Variants in SUCLG2 observed in about 807,000 individuals in gnomAD.
SUCLG2 encodes the protein succinate--CoA ligase [GDP-forming] subunit beta, mitochondrial.
SUCLG2 carries 42 observed loss-of-function variants against 47.9 expected under a neutral mutation model. The ratio of observed to expected loss-of-function variants is 0.88; its 90% CI spans 0.69 to 1.14. SUCLG2 has a LOEUF of 1.14. Ranked by LOEUF, SUCLG2 falls within the 50% of genes most tolerant of loss-of-function variation. SUCLG2 has a pLI of 0.00. For synonymous variants in SUCLG2, 195 were observed against 197.3 expected (o/e 0.99, Z 0.10); for missense variants, 571 against 525.9 (o/e 1.09, Z -0.84).
At chr3:67,406,692 GC>G (rs1166699313) in intron 9 of SUCLG2, among the ~76,000 whole-genome samples, 2 of 152,096 alleles carry the variant, frequency 1.3e-5, no homozygotes, top group Non-Finnish European at 2.9e-5. Flanking sequence ...AACAAGATGG[GC>G]CCCCTCGCAA....
chr3:67,581,640 G>T (rs1707880203), intron 2 of SUCLG2, among the ~76,000 whole-genome samples: 2 of 152,136 alleles, frequency 1.3e-5, no homozygotes, highest in Admixed American at 1.3e-4. Context: ...GGAGACAGAT[G>T]AAAAGAAAAC....
chr3:67,511,723 A>G lies in SUCLG2; in HGVS notation c.661-2820T>C, dbSNP rs189332399. ...TTAATTTGAATTTATTTTATTATGAATGAGTTTAGGCATTATTCTATGAGT... is the reference window on the plus strand; with the variant it reads ...TTAATTTGAATTTATTTTATTATGAGTGAGTTTAGGCATTATTCTATGAGT... On this transcript the variant is annotated intron_variant, in intron 6 of 10. Transcript: ENST00000307227. 1.8e-3 allele frequency among the ~76,000 whole-genome samples: 272 copies of G among 152,298 alleles called. 4 individuals are homozygous for G. The highest frequency in any genetic ancestry group is 0.015 in the Admixed American group (225 of 15,294).
At chr3:67,385,219 C>T (rs1702235881) in intron 10 of SUCLG2, among the ~76,000 whole-genome samples, 1 of 152,198 alleles carries the variant, frequency 6.6e-6, no homozygotes, top group African/African-American at 2.4e-5. Context: ...AGTCCTGGTA[C>T]CTGCCCAGTT....
At chr3:67,537,671 A>C (rs1472487703) in intron 2 of SUCLG2, among the ~76,000 whole-genome samples, 1 of 152,180 alleles carries the variant, frequency 6.6e-6, no homozygotes, top group African/African-American at 2.4e-5. Flanking sequence ...GGTTGAACTA[A>C]TTTACACTCC....
downstream of SUCLG2, among the ~76,000 whole-genome samples, chr3:67,370,211 G>C (rs144111253): frequency 3.6e-3 from 553 of 152,194 alleles, 5 homozygotes; most frequent in African/African-American, 0.013. Flanking sequence ...ATGTTTAAAA[G>C]TTCTCTTGAA....
intron 2 of SUCLG2, among the ~76,000 whole-genome samples, chr3:67,606,252 C>T (rs544968995): frequency 4.3e-4 from 65 of 152,020 alleles, no homozygotes; most frequent in Middle Eastern, 3.4e-3. Context: ...GTACACAATC[C>T]CCAACCACAA....
At chr3:67,651,776 A>G (rs13069212) in intron 1 of SUCLG2, among the ~76,000 whole-genome samples, 48,390 of 152,050 alleles carry the variant, frequency 0.32, 7,998 homozygotes, top group Non-Finnish European at 0.36. Context: ...CAGTTTAAAA[A>G]ATTATGCCAA....
chr3:67,569,173 T>C (rs947285842), intron 2 of SUCLG2, among the ~76,000 whole-genome samples: 10 of 152,200 alleles, frequency 6.6e-5, no homozygotes, highest in Non-Finnish European at 1.0e-4. Flanking sequence ...TCCTGCAAGA[T>C]ACATGGCCAA....
At chr3:67,510,141 T>C (rs1321741656) in intron 6 of SUCLG2, among the ~76,000 whole-genome samples, 4 of 152,204 alleles carry the variant, frequency 2.6e-5, no homozygotes, top group Admixed American at 1.3e-4. Context: ...GGATATGCTT[T>C]AGGTTGCCTT....
At chr3:67,455,175 T>C (rs1172935904) in intron 9 of SUCLG2, among the ~76,000 whole-genome samples, 1 of 152,190 alleles carries the variant, frequency 6.6e-6, no homozygotes, top group Non-Finnish European at 1.5e-5. Flanking sequence ...TTTCTATTTC[T>C]ATATATATTT....
At chr3:67,523,198 G>A (rs562904021) in intron 4 of SUCLG2, among the ~76,000 whole-genome samples, 144 of 152,184 alleles carry the variant, frequency 9.5e-4, no homozygotes, top group African/African-American at 3.3e-3. Context: ...TAAGTTTTAG[G>A]TCACATGAAA....
intron 10 of SUCLG2, among the ~76,000 whole-genome samples, chr3:67,389,334 C>T (rs1702328390): frequency 6.6e-6 from 1 of 152,090 alleles, no homozygotes; most frequent in Non-Finnish European, 1.5e-5. Flanking sequence ...GGAGAGAGTG[C>T]ATGTGGAGAA....
intron 9 of SUCLG2, among the ~76,000 whole-genome samples, chr3:67,447,572 A>T (rs1703955731): frequency 1.3e-5 from 2 of 152,242 alleles, no homozygotes; most frequent in South Asian, 4.1e-4. Context: ...TACAGAAAAC[A>T]GGAACAAGAT....
intron 1 of SUCLG2, among the ~76,000 whole-genome samples, chr3:67,621,634 G>A (rs1212147919): frequency 6.6e-6 from 1 of 152,100 alleles, no homozygotes; most frequent in African/African-American, 2.4e-5. Context: ...TGGGTTAATG[G>A]ATTATCATGG....
intron 9 of SUCLG2, among the ~76,000 whole-genome samples, chr3:67,422,814 G>C (rs927640968): frequency 6.6e-6 from 1 of 152,240 alleles, no homozygotes; most frequent in East Asian, 1.9e-4. Flanking sequence ...CTGACGGATA[G>C]GGCATCTGTA....
chr3:67,593,388 C>G (rs747677855), intron 2 of SUCLG2, among the ~76,000 whole-genome samples: 10 of 151,806 alleles, frequency 6.6e-5, no homozygotes, highest in Non-Finnish European at 1.0e-4. Context: ...TTCAATTGGT[C>G]TAACACATAT....
intron 1 of SUCLG2, among the ~76,000 whole-genome samples, chr3:67,654,206 G>A (rs914328732): frequency 3.3e-5 from 5 of 152,250 alleles, no homozygotes; most frequent in Non-Finnish European, 5.9e-5. Context: ...TTAAACTTGC[G>A]TCCAGCGCCT....
intron 9 of SUCLG2, among the ~76,000 whole-genome samples, chr3:67,410,452 G>C (rs1702909743): frequency 6.6e-6 from 1 of 151,480 alleles, no homozygotes; most frequent in South Asian, 2.1e-4. Flanking sequence ...GAGTTAAAAG[G>C]ACTGAAGGGC....
chr3:67,509,067 T>G (rs2107099073), intron 6 of SUCLG2, among the ~76,000 whole-genome samples, 164 bp from the exon 7 acceptor site: 1 of 152,184 alleles, frequency 6.6e-6, no homozygotes, highest in East Asian at 1.9e-4. Context: ...CCACTGCTAT[T>G]CATTAAAAGG....
Sources: gnomAD v4.1 joint callset for allele counts (sites outside exome capture counted in the v4.1 genomes callset) on GRCh38, gnomAD v4.1.1 for gene constraint, MANE v1.5 for transcripts, NCBI Gene and HGNC (gene_info 2026-07-23, HGNC 2026-07-21) for gene names.